Variants in MYOCD observed in about 807,000 individuals in gnomAD.
MYOCD encodes myocardin.
In MYOCD, 32 loss-of-function variants were observed where a neutral mutation model predicts 96.1. That is an observed-to-expected ratio of 0.33 (90% CI 0.25 to 0.45). MYOCD has a LOEUF of 0.45. Among genes scored for constraint, MYOCD ranks in the 20% least tolerant of loss-of-function variants. The pLI, the probability that MYOCD is intolerant of heterozygous loss-of-function variation, is 1.00. For missense variants in MYOCD, 1,133 were observed against 1,200.6 expected (o/e 0.94, Z 0.83); for synonymous variants, 469 against 469.0 (o/e 1.00, Z 0.00).
intron 1 of MYOCD, among the ~76,000 whole-genome samples, chr17:12,685,329 G>A (rs1343049673): frequency 1.3e-5 from 2 of 151,922 alleles, no homozygotes; most frequent in Non-Finnish European, 1.5e-5. Context: ...GAGGGGCTGG[G>A]CACAGTGGCT....
chr17:12,705,993 A>G (rs2031275317), intron 2 of MYOCD: 1 of 152,240 alleles, frequency 6.6e-6, no homozygotes, highest in African/African-American at 2.4e-5. Flanking sequence ...AGTTAGTTGT[A>G]TTGAAGCCCT....
At chr17:12,676,548 CT>C (rs145649125) in intron 1 of MYOCD, among the ~76,000 whole-genome samples, 42 of 150,766 alleles carry the variant, frequency 2.8e-4, no homozygotes, top group Middle Eastern at 3.4e-3. Flanking sequence ...TATTATTTGC[CT>C]TTTTTTTTAA....
chr17:12,707,713 CAAAAT>C (rs2031344274), intron 2 of MYOCD, among the ~76,000 whole-genome samples: 1 of 151,888 alleles, frequency 6.6e-6, no homozygotes, highest in African/African-American at 2.4e-5. Flanking sequence ...GACTCCGTCT[CAAAAT>C]AAATAAATAA....
chr17:12,671,028 G>T (rs576916263), intron 1 of MYOCD, among the ~76,000 whole-genome samples: 14 of 152,016 alleles, frequency 9.2e-5, no homozygotes, highest in Non-Finnish European at 2.1e-4. Context: ...CACCTTCCCT[G>T]CCCTAGTTTT....
At chr17:12,746,727 CTTT>C (rs3050321) in intron 9 of MYOCD, among the ~76,000 whole-genome samples, 1 of 114,894 alleles carries the variant, frequency 8.7e-6, no homozygotes. Flanking sequence ...TGGTGCCTAC[CTTT>C]TTTTTTTTTT....
At chr17:12,728,938 A>G (rs1232054956) in intron 5 of MYOCD, among the ~76,000 whole-genome samples, 1 of 152,202 alleles carries the variant, frequency 6.6e-6, no homozygotes, top group Non-Finnish European at 1.5e-5. Context: ...TTACATTTAT[A>G]AAAGATCCTG....
At chr17:12,708,129 G>A (rs9894992) in intron 2 of MYOCD, among the ~76,000 whole-genome samples, 74,264 of 151,902 alleles carry the variant, frequency 0.49, 19,865 homozygotes, top group African/African-American at 0.71. Flanking sequence ...ACCTACCCCA[G>A]TCCCTGTTTG....
chr17:12,715,223 C>T (rs1056145783), intron 2 of MYOCD, among the ~76,000 whole-genome samples: 3 of 152,244 alleles, frequency 2.0e-5, no homozygotes, highest in African/African-American at 4.8e-5. Context: ...TTCAGTTTTC[C>T]ACCACCCCTT....
chr17:12,719,619 G>A (rs1233940153), intron 4 of MYOCD, among the ~76,000 whole-genome samples: 2 of 150,808 alleles, frequency 1.3e-5, no homozygotes, highest in Non-Finnish European at 3.0e-5. Flanking sequence ...TTGGGAGGCC[G>A]AGGCGGGCGG....
chr17:12,693,887 G>T (rs2150660056), intron 1 of MYOCD, among the ~76,000 whole-genome samples: 2 of 152,054 alleles, frequency 1.3e-5, no homozygotes, highest in Middle Eastern at 6.8e-3. Context: ...AAAAAATACT[G>T]CTTTGATTCT....
At chr17:12,727,260 A>T (rs139951052) in intron 5 of MYOCD, among the ~76,000 whole-genome samples, 45 of 152,318 alleles carry the variant, frequency 3.0e-4, no homozygotes, top group Non-Finnish European at 5.3e-4. Context: ...AGTAATGGGC[A>T]ATTGAGCACC....
chr17:12,720,330 GGCGA>G (rs1410211918), intron 4 of MYOCD: 1 of 151,990 alleles, frequency 6.6e-6, no homozygotes, highest in Non-Finnish European at 1.5e-5. Context: ...ACCCTTCTTG[GGCGA>G]TCCGCTTTCT....
chr17:12,693,677 A>G (rs139712322), intron 1 of MYOCD, among the ~76,000 whole-genome samples: 5,444 of 145,784 alleles, frequency 0.037, 182 homozygotes, highest in African/African-American at 0.087. Flanking sequence ...ATAAAATAAA[A>G]TAAAATAAGG....
intron 5 of MYOCD, among the ~76,000 whole-genome samples, chr17:12,723,450 A>G (rs766066067): frequency 2.0e-5 from 3 of 152,168 alleles, no homozygotes; most frequent in Admixed American, 6.5e-5. Context: ...TGGAGGTGAC[A>G]GTACTCACCC....
intron 1 of MYOCD, among the ~76,000 whole-genome samples, chr17:12,682,576 G>A (rs376361992): frequency 2.2e-4 from 33 of 152,310 alleles, no homozygotes; most frequent in African/African-American, 6.0e-4. Context: ...CCCTTTTCGC[G>A]GAGAGAGTTT....
chr17:12,746,342 C>T (rs981504719), intron 9 of MYOCD, among the ~76,000 whole-genome samples: 11 of 151,998 alleles, frequency 7.2e-5, no homozygotes, highest in East Asian at 1.9e-4. Flanking sequence ...CTGAGAAGTC[C>T]GAGGACATGG....
At chr17:12,692,644 G>A (rs1262086375) in intron 1 of MYOCD, among the ~76,000 whole-genome samples, 1 of 152,124 alleles carries the variant, frequency 6.6e-6, no homozygotes, top group African/African-American at 2.4e-5. Flanking sequence ...TGGCAGAGGT[G>A]ACTGTCTAAG....
chr17:12,757,808 T>G (rs2033054834), intron 11 of MYOCD, among the ~76,000 whole-genome samples: 1 of 152,156 alleles, frequency 6.6e-6, no homozygotes, highest in African/African-American at 2.4e-5. Context: ...CTGTTTGTAT[T>G]GAATTGGACT....
At position 12,748,077 on chromosome 17, in the gene MYOCD, G is replaced by A. The variant is rs144437481; in HGVS notation, c.1125+2005G>A. Among the ~76,000 whole-genome samples the A allele has an allele frequency of 3.7e-3, 556 of 149,748 alleles. 7 individuals are homozygous for A. The highest frequency in any genetic ancestry group is 0.013 in the African/African-American group (524 of 40,800). ...CTCGGGAGGCTGAGGCGGGAGAATC[G>A]CTTGAACCCGGGAGGTGGAGGTTGC... On this transcript the variant is annotated intron_variant, in intron 9 of 13. Coordinates refer to ENST00000425538, the MANE Select transcript of MYOCD (RefSeq NM_001146312.3).
Sources: allele counts gnomAD v4.1 joint callset (sites outside exome capture counted in the v4.1 genomes callset), GRCh38; gene constraint gnomAD v4.1.1; transcripts MANE v1.5; gene names NCBI Gene and HGNC (gene_info 2026-07-23, HGNC 2026-07-21).